Variants in BRD3 observed in about 807,000 individuals in gnomAD.
The protein encoded by BRD3 is bromodomain containing 3, also known as bromodomain-containing protein 3.
Under a neutral mutation model 66.8 loss-of-function variants are expected in BRD3, and 17 were observed. The ratio of observed to expected loss-of-function variants is 0.25; its 90% CI spans 0.17 to 0.38. The LOEUF is 0.38. Ranked by LOEUF, BRD3 falls within the 10% of genes least tolerant of loss-of-function variation. The pLI, the probability that BRD3 is intolerant of heterozygous loss-of-function variation, is 1.00. For synonymous variants in BRD3, 421 were observed against 393.2 expected (o/e 1.07, Z -0.84); for missense variants, 713 against 956.1 (o/e 0.75, Z 3.35).
Position 134,048,467 on chromosome 9 carries a change from A to C in BRD3, c.715-13T>G. On this transcript the variant is annotated splice_polypyrimidine_tract_variant and intron_variant, in intron 5 of 11. Transcript: ENST00000303407. Reference sequence around the variant, plus strand: ...TCACGCCCTTTTTCTGCGACAGTGAAATAACCAGTGAACCCCGGAAACCAG... The same window carrying C: ...TCACGCCCTTTTTCTGCGACAGTGACATAACCAGTGAACCCCGGAAACCAG... 3 of 1,598,298 alleles carry C rather than the reference A, an allele frequency of 1.9e-6. No homozygotes were observed. The highest frequency in any genetic ancestry group is 2.5e-6 in the Non-Finnish European group (3 of 1,179,840).
At chr9:134,054,973 G>A (rs1830384752) in intron 1 of BRD3, among the ~76,000 whole-genome samples, 2 of 152,096 alleles carry the variant, frequency 1.3e-5, no homozygotes, top group Admixed American at 6.5e-5. Flanking sequence ...TCTCTGGGGC[G>A]CCCACCTGTG....
At chr9:134,053,143 G>T (rs1314712047) in intron 2 of BRD3, 122 bp downstream of exon 2, 13 of 1,114,968 alleles carry the variant, frequency 1.2e-5, no homozygotes, top group Non-Finnish European at 1.7e-5. Flanking sequence ...GGCACAGGCT[G>T]TCCCCAGCTT....
At chr9:134,038,126 C>T (rs146895777) in intron 9 of BRD3, among the ~76,000 whole-genome samples, 36 of 152,194 alleles carry the variant, frequency 2.4e-4, no homozygotes, top group African/African-American at 6.0e-4. Flanking sequence ...CTCCAGAAAA[C>T]AGAAGAGGGG....
chr9:134,066,820 C>A (rs949241978), intron 1 of BRD3, among the ~76,000 whole-genome samples: 4 of 152,224 alleles, frequency 2.6e-5, no homozygotes, highest in Non-Finnish European at 5.9e-5. Flanking sequence ...GTATCTATTT[C>A]TGAGCAGAAA....
chr9:134,063,330 C>G lies in BRD3; in HGVS notation c.-114+4615G>C, dbSNP rs188508116. ...TGCTTGACCCTTGCCTCCTACCCAGCCCCTGGTACCAGCGAGGGCCTGGTC... is the reference window on the plus strand; with the variant it reads ...TGCTTGACCCTTGCCTCCTACCCAGGCCCTGGTACCAGCGAGGGCCTGGTC... On this transcript the variant is annotated intron_variant, in intron 1 of 11. Coordinates refer to ENST00000303407, the MANE Select transcript of BRD3 (RefSeq NM_007371.4). Among the ~76,000 whole-genome samples, 437 of 152,330 alleles carry G rather than the reference C, an allele frequency of 2.9e-3. 1 individual carries two copies. The highest frequency in any genetic ancestry group is 9.9e-3 in the African/African-American group (413 of 41,578).
intron 9 of BRD3, 84 bp from the exon 10 acceptor site, chr9:134,036,408 C>A: frequency 6.4e-7 from 1 of 1,572,264 alleles, no homozygotes. Flanking sequence ...TTCCTCCCAA[C>A]AGCAGGCTGC....
At position 134,036,682 on chromosome 9, in the gene BRD3, G is replaced by A. The variant is rs114492965; in HGVS notation, c.1644-358C>T. 7,928 of 1,053,486 alleles carry A rather than the reference G, an allele frequency of 7.5e-3. 127 individuals carry two copies. Among genetic ancestry groups the A allele is most frequent in the African/African-American group, 0.052 (3,304 of 63,192 alleles). 65.3% of individuals were successfully genotyped at this position (1,053,486 alleles called of 1,614,324 possible). ...AAAGAAAATAATAAAATGAGAGACCGAAATCCAATTATATCAATAATTATG... is the reference window on the plus strand; with the variant it reads ...AAAGAAAATAATAAAATGAGAGACCAAAATCCAATTATATCAATAATTATG... On this transcript the variant is annotated intron_variant, in intron 9 of 11. Transcript: ENST00000303407.
chr9:134,066,168 C>A (rs931761922), intron 1 of BRD3, among the ~76,000 whole-genome samples: 1 of 152,182 alleles, frequency 6.6e-6, no homozygotes, highest in East Asian at 1.9e-4. Flanking sequence ...TGGAGCTGCT[C>A]CCACAGTCTT....
intron 1 of BRD3, among the ~76,000 whole-genome samples, chr9:134,062,825 A>C (rs1468733088): frequency 6.6e-6 from 1 of 152,226 alleles, no homozygotes; most frequent in African/African-American, 2.4e-5. Context: ...GAGAGCCACG[A>C]CTCAGGCAGG....
At chr9:134,062,723 G>A (rs144451435) in intron 1 of BRD3, among the ~76,000 whole-genome samples, 11 of 152,274 alleles carry the variant, frequency 7.2e-5, no homozygotes, top group African/African-American at 2.4e-4. Flanking sequence ...TGCTGGGAAC[G>A]AGGAAGTTGG....
At chr9:134,061,093 T>G (rs1390908249) in intron 1 of BRD3, among the ~76,000 whole-genome samples, 1 of 152,240 alleles carries the variant, frequency 6.6e-6, no homozygotes, top group Non-Finnish European at 1.5e-5. Flanking sequence ...TGACCCCTCC[T>G]GCCATTCCAT....
intron 5 of BRD3, 62 bp downstream of exon 5, chr9:134,050,312 C>T (rs1328076739): frequency 2.0e-6 from 3 of 1,526,642 alleles, no homozygotes; most frequent in African/African-American, 1.4e-5. Flanking sequence ...CTGCTCCTGC[C>T]CTGACCTCAG....
chr9:134,039,845 G>GAGC (rs141811550), intron 9 of BRD3, among the ~76,000 whole-genome samples, 189 bp downstream of exon 9: 5,606 of 152,270 alleles, frequency 0.037, 339 homozygotes, highest in African/African-American at 0.12. Flanking sequence ...GCAGACAACT[G>GAGC]AGCAGCATCA....
intron 1 of BRD3, among the ~76,000 whole-genome samples, chr9:134,059,195 C>T (rs114060429): frequency 0.014 from 2,196 of 152,286 alleles, 54 homozygotes; most frequent in African/African-American, 0.05. Context: ...ACGGGCCAGC[C>T]CAGAGCTGCC....
At chr9:134,064,311 T>G (rs1008421504) in intron 1 of BRD3, among the ~76,000 whole-genome samples, 1 of 151,764 alleles carries the variant, frequency 6.6e-6, no homozygotes, top group African/African-American at 2.4e-5. Flanking sequence ...GTGGATCACC[T>G]GAGGTCAGGA....
In BRD3 at chr9:134,048,377, G is replaced by T. The variant is rs565861228; in HGVS notation, c.792C>A (p.Pro264=). ...SAITASRSES[P]PPLSDPKQAK... is the part of the protein sequence containing the mutation. Reference sequence around the variant, plus strand: ...CCTGCTTGGGGTCTGACAACGGCGGGGGCGACTCACTCCGGCTGGCAGTGA... The same window carrying T: ...CCTGCTTGGGGTCTGACAACGGCGGTGGCGACTCACTCCGGCTGGCAGTGA... The change falls in exon 6 of 12, where the codon CCC becomes CCA. Residue 264 remains proline (P), a synonymous_variant. Transcript: ENST00000303407. 2.6e-5 allele frequency: 41 copies of T among 1,598,676 alleles called. No individual in the cohort carries two copies. In the Admixed American group the frequency reaches 6.3e-4, roughly 25 times the overall value.
intron 10 of BRD3, among the ~76,000 whole-genome samples, chr9:134,035,149 T>G (rs762911530): frequency 4.9e-4 from 75 of 152,146 alleles, no homozygotes; most frequent in Non-Finnish European, 9.9e-4. Flanking sequence ...CCAACGTCCC[T>G]CATGTGCAGG....
Position 134,045,571 on chromosome 9 carries a change from T to C in BRD3, c.1087-150A>G. On this transcript the variant is annotated intron_variant, in intron 6 of 11. Transcript: ENST00000303407. This position sits in a 1 kb window ranked among gnomAD's most constrained non-coding sequence, Gnocchi z 4.8. ...CCTGGCCGGCAGGACACCCCAGCTC[T>C]CTGGGACCTCGTACGAGGAAACCCA... 1 of 1,147,334 alleles carries C rather than the reference T, an allele frequency of 8.7e-7. No homozygotes were observed. The highest frequency in any genetic ancestry group is 1.2e-6 in the Non-Finnish European group (1 of 806,408). 71.1% of individuals were successfully genotyped at this position (1,147,334 alleles called of 1,614,324 possible).
chr9:134,053,450 C>T lies in BRD3; in HGVS notation c.28G>A (p.Ala10Thr), dbSNP rs199832773. 1.8e-5 allele frequency: 29 copies of T among 1,606,740 alleles called. No homozygotes were observed. Among genetic ancestry groups the T allele is most frequent in the Admixed American group, 8.4e-5 (5 of 59,800 alleles). ...GGGCCCGGGGTCGCCGGGATCCCCG[C>T]GGGGGCGACTGTCGTGGCGGTGGAC... MSTATTVAP[A>T]GIPATPGPVN... Residue 10 changes from alanine to threonine, a missense_variant, in exon 2 of 12, where the codon GCG becomes ACG. Physicochemically the swap from Ala to Thr is moderately conservative, Grantham distance 58 (BLOSUM62 0). Around this residue, in one of 5 missense-constraint regions of BRD3, gnomAD observed 48 missense variants for 42.5 expected, o/e 1.13. Transcript: ENST00000303407.
Sources: gnomAD v4.1 joint callset for allele counts (sites outside exome capture counted in the v4.1 genomes callset) on GRCh38, gnomAD v4.1.1 for gene constraint, gnomAD v4.1.1 regional missense constraint, Gnocchi (gnomAD v3.1) non-coding constraint, MANE v1.5 for transcripts, NCBI Gene and HGNC (gene_info 2026-07-23, HGNC 2026-07-21) for gene names.